Variants in VAV3 observed in about 807,000 individuals in gnomAD.
VAV3 encodes the protein vav guanine nucleotide exchange factor 3.
In VAV3, 94 loss-of-function variants were observed where a neutral mutation model predicts 131.2. That is an observed-to-expected ratio of 0.72 (90% CI 0.61 to 0.85). The LOEUF is 0.85. VAV3 is among the 40% of genes least tolerant of loss of function. VAV3 has a pLI of 0.00. For synonymous variants in VAV3, 349 were observed against 342.0 expected (o/e 1.02, Z -0.22); for missense variants, 939 against 1,002.7 (o/e 0.94, Z 0.86).
chr1:107,637,246 G>C (rs568058554), intron 20 of VAV3, among the ~76,000 whole-genome samples: 28 of 151,892 alleles, frequency 1.8e-4, no homozygotes, highest in Non-Finnish European at 3.4e-4. Context: ...CAAATTCCTT[G>C]AAAACCACAA....
intron 25 of VAV3, among the ~76,000 whole-genome samples, chr1:107,575,000 TGCGCGCGCGCGCGCGCACACGCGC>T (rs748285835): frequency 4.4e-3 from 457 of 103,912 alleles, no homozygotes; most frequent in East Asian, 8.3e-3. Flanking sequence ...TGTGCGTGCG[TGCGCGCGCGCGCGCGCACACGCGC>T]GCGTGTTTAA....
chr1:107,680,202 C>A (rs992527618), intron 19 of VAV3, among the ~76,000 whole-genome samples: 16 of 150,408 alleles, frequency 1.1e-4, no homozygotes, highest in Non-Finnish European at 2.4e-4. Flanking sequence ...TTCTTTATTG[C>A]AATAACAAAC....
At chr1:107,622,991 C>G (rs1286630496) in intron 20 of VAV3, among the ~76,000 whole-genome samples, 1 of 152,070 alleles carries the variant, frequency 6.6e-6, no homozygotes, top group Non-Finnish European at 1.5e-5. Flanking sequence ...AGAAAAAAAC[C>G]AGCAAAGAGG....
At chr1:107,749,158 A>C in intron 14 of VAV3, 81 bp from the exon 15 acceptor site, 3 of 1,044,496 alleles carry the variant, frequency 2.9e-6, no homozygotes, top group Non-Finnish European at 2.8e-6. Flanking sequence ...ACAACTATCC[A>C]AAAACTCCTC....
At chr1:107,947,547 T>A (rs1316125160) in intron 1 of VAV3, among the ~76,000 whole-genome samples, 1 of 152,108 alleles carries the variant, frequency 6.6e-6, no homozygotes, top group African/African-American at 2.4e-5. Flanking sequence ...GTTCACTTAC[T>A]CTTCACAATA....
intron 6 of VAV3, among the ~76,000 whole-genome samples, chr1:107,769,621 C>G (rs373461474): frequency 1.1e-4 from 16 of 152,286 alleles, no homozygotes; most frequent in African/African-American, 3.9e-4. Flanking sequence ...AGTCTTTCCC[C>G]TTAATGCCTG....
intron 2 of VAV3, among the ~76,000 whole-genome samples, chr1:107,843,532 T>C (rs1668822276): frequency 6.8e-6 from 1 of 147,694 alleles, no homozygotes; most frequent in Admixed American, 6.8e-5. Context: ...TGCGTGTGTG[T>C]GTGTGTATAT....
chr1:107,703,555 TA>T (rs1000744234), intron 17 of VAV3, among the ~76,000 whole-genome samples: 1 of 152,208 alleles, frequency 6.6e-6, no homozygotes, highest in African/African-American at 2.4e-5. Context: ...AGGGTCCTTT[TA>T]AAATGTCTGA....
intron 12 of VAV3, 120 bp from the exon 13 acceptor site, chr1:107,751,322 A>G (rs914123139): frequency 3.9e-5 from 31 of 800,774 alleles, no homozygotes; most frequent in Non-Finnish European, 5.6e-5. Context: ...ACCATTTTTT[A>G]TACTTTTAAA....
intron 19 of VAV3, among the ~76,000 whole-genome samples, chr1:107,653,083 A>G (rs1656294964): frequency 6.6e-6 from 1 of 151,558 alleles, no homozygotes; most frequent in South Asian, 2.1e-4. Context: ...AGTAGTAGAG[A>G]GCATATTCAG....
chr1:107,611,076 T>A (rs1652689638), intron 21 of VAV3, among the ~76,000 whole-genome samples: 1 of 152,168 alleles, frequency 6.6e-6, no homozygotes, highest in Non-Finnish European at 1.5e-5. Flanking sequence ...ACTAGAGATG[T>A]TTCACATTTT....
chr1:107,796,167 A>G (rs571166884), intron 2 of VAV3, among the ~76,000 whole-genome samples: 2 of 152,244 alleles, frequency 1.3e-5, no homozygotes, highest in Admixed American at 1.3e-4. Context: ...AATGCCATGC[A>G]ACCAGCATGA....
At chr1:107,667,219 T>C (rs539352569) in intron 19 of VAV3, among the ~76,000 whole-genome samples, 1 of 152,216 alleles carries the variant, frequency 6.6e-6, no homozygotes, top group Non-Finnish European at 1.5e-5. Flanking sequence ...AGCCAGACAC[T>C]GTGCTAATGT....
At chr1:107,729,005 C>G (rs1424131184) in intron 15 of VAV3, among the ~76,000 whole-genome samples, 2 of 152,068 alleles carry the variant, frequency 1.3e-5, no homozygotes, top group African/African-American at 4.8e-5. Flanking sequence ...TTTTTTTTCT[C>G]AGTCTGAAAG....
At chr1:107,574,318 G>T in intron 25 of VAV3, 120 bp from the exon 26 acceptor site, 1 of 1,233,032 alleles carries the variant, frequency 8.1e-7, no homozygotes, top group South Asian at 1.8e-5. Context: ...TTACAGACCA[G>T]CGATAATGGC....
intron 1 of VAV3, among the ~76,000 whole-genome samples, chr1:107,882,231 C>G (rs72689620): frequency 0.036 from 5,487 of 152,178 alleles, 124 homozygotes; most frequent in Middle Eastern, 0.11. Context: ...GATTTTCTAA[C>G]TTATATTTGA....
At chr1:107,927,009 T>C (rs1270945883) in intron 1 of VAV3, among the ~76,000 whole-genome samples, 1 of 152,232 alleles carries the variant, frequency 6.6e-6, no homozygotes, top group South Asian at 2.1e-4. Flanking sequence ...CCTAACCCCA[T>C]GCTGCACAGC....
At chr1:107,650,143 A>G (rs956239048) in intron 19 of VAV3, among the ~76,000 whole-genome samples, 3 of 152,122 alleles carry the variant, frequency 2.0e-5, no homozygotes, top group African/African-American at 4.8e-5. Context: ...AAAGTACTTG[A>G]GGGACAGAAA....
At chr1:107,584,744 A>G (rs1570560755) in intron 25 of VAV3, among the ~76,000 whole-genome samples, 2 of 152,244 alleles carry the variant, frequency 1.3e-5, no homozygotes, top group East Asian at 3.8e-4. Flanking sequence ...ACTACTACTT[A>G]GTATTCAATG....
Sources: gnomAD v4.1 joint callset for allele counts (sites outside exome capture counted in the v4.1 genomes callset) on GRCh38, gnomAD v4.1.1 for gene constraint, MANE v1.5 for transcripts, NCBI Gene and HGNC (gene_info 2026-07-23, HGNC 2026-07-21) for gene names.